MTSS1: variants seen among roughly 807,000 people sequenced by gnomAD.
The protein encoded by MTSS1 is protein MTSS 1.
In MTSS1, 18 loss-of-function variants were observed where a neutral mutation model predicts 79.0. The ratio of observed to expected loss-of-function variants is 0.23; its 90% confidence interval spans 0.16 to 0.34. MTSS1 has a LOEUF of 0.34. Ranked by LOEUF, MTSS1 falls within the 10% of genes least tolerant of loss-of-function variation. The pLI, the probability that MTSS1 is intolerant of heterozygous loss-of-function variation, is 1.00. For missense variants in MTSS1, 815 were observed against 986.2 expected (o/e 0.83, Z 2.33); for synonymous variants, 341 against 368.6 (o/e 0.93, Z 0.86).
intron 3 of MTSS1, among the ~76,000 whole-genome samples, chr8:124,592,338 C>A (rs1832010616): frequency 1.3e-5 from 2 of 152,192 alleles, no homozygotes; most frequent in Admixed American, 1.3e-4. Context: ...GCGCTGAACA[C>A]TGGAGGGCAC....
At chr8:124,605,639 G>GCCTCCCTCCC (rs1587204936) in intron 3 of MTSS1, among the ~76,000 whole-genome samples, 1 of 149,790 alleles carries the variant, frequency 6.7e-6, no homozygotes, top group Non-Finnish European at 1.5e-5. Context: ...CCCTCGCGCT[G>GCCTCCCTCCC]GGCTCCCGTT....
At chr8:124,657,543 T>G (rs2134297486) in intron 3 of MTSS1, among the ~76,000 whole-genome samples, 1 of 151,548 alleles carries the variant, frequency 6.6e-6, no homozygotes, top group Admixed American at 6.6e-5. Context: ...GAAGTTACTT[T>G]CCTCTGCACT....
At chr8:124,576,486 C>T (rs79887589) in intron 6 of MTSS1, among the ~76,000 whole-genome samples, 2,622 of 152,280 alleles carry the variant, frequency 0.017, 62 homozygotes, top group African/African-American at 0.058. Flanking sequence ...ATGCATTCTT[C>T]GTGCTGGGGA....
At position 124,553,940 on chromosome 8, in the gene MTSS1, T is replaced by C. The variant is rs1225913599; in HGVS notation, c.1568-248A>G. ...GCTGGACACGGTAGGCACTCAAATA[T>C]CGTCAATGGGGAAGAAGGTAAAGCT... is the stretch of plus-strand genomic sequence containing the variant. On this transcript the variant is annotated intron_variant, in intron 13 of 13. Coordinates refer to ENST00000518547, the MANE Select transcript of MTSS1 (RefSeq NM_014751.6). The surrounding 1 kb of genome is among the most constrained non-coding windows in gnomAD (Gnocchi z 6.0). 1.3e-5 allele frequency among the ~76,000 whole-genome samples: 2 copies of C among 152,120 alleles called. No homozygotes were observed. The highest frequency in any genetic ancestry group is 3.8e-4 in the East Asian group (2 of 5,198).
intron 3 of MTSS1, among the ~76,000 whole-genome samples, chr8:124,663,631 GCTC>G (rs768050098): frequency 4.6e-5 from 7 of 152,144 alleles, no homozygotes; most frequent in Non-Finnish European, 8.8e-5. Flanking sequence ...TGCATATGTG[GCTC>G]CTTATTCCTG....
intron 1 of MTSS1, among the ~76,000 whole-genome samples, chr8:124,717,973 C>G (rs1261944980): frequency 2.0e-5 from 3 of 152,190 alleles, no homozygotes; most frequent in Non-Finnish European, 4.4e-5. Context: ...CAACACCACA[C>G]AGCCATTAAC....
intron 3 of MTSS1, among the ~76,000 whole-genome samples, chr8:124,600,696 C>T (rs1275710976): frequency 6.6e-6 from 1 of 152,216 alleles, no homozygotes; most frequent in Non-Finnish European, 1.5e-5. Flanking sequence ...ACTCCTCCCA[C>T]ATCTAATATC....
At chr8:124,643,685 C>T (rs1398697581) in intron 3 of MTSS1, among the ~76,000 whole-genome samples, 15 of 106,884 alleles carry the variant, frequency 1.4e-4, no homozygotes, top group African/African-American at 4.0e-4. Context: ...GCAACAAGAG[C>T]GAAATTCCGT....
intron 7 of MTSS1, 161 bp downstream of exon 7, chr8:124,568,218 T>A (rs570873306): frequency 2.5e-6 from 2 of 794,742 alleles, no homozygotes; most frequent in Admixed American, 5.8e-5. Context: ...GTGAGCTACA[T>A]GGCCATCAAC....
chr8:124,552,666 C>T lies in MTSS1; in HGVS notation c.*326G>A. 1.1e-5 allele frequency: 3 copies of T among 282,288 alleles called. No individual in the cohort carries two copies. Among genetic ancestry groups the T allele is most frequent in the Non-Finnish European group, 2.0e-5 (3 of 150,996 alleles). The allele number at this position is 282,288 out of a possible 1,614,324, so 17.5% of individuals were successfully genotyped here. Reference sequence around the variant, plus strand: ...ATTAACTACTTCGTGGTTCCCCTGCCCCAACCCCCTTTATGCATTTAAAAT... The same window carrying T: ...ATTAACTACTTCGTGGTTCCCCTGCTCCAACCCCCTTTATGCATTTAAAAT... On this transcript the variant is annotated 3_prime_UTR_variant, in exon 14 of 14. Transcript: ENST00000518547.
intron 3 of MTSS1, among the ~76,000 whole-genome samples, chr8:124,608,893 A>T (rs1835296546): frequency 6.6e-6 from 1 of 152,220 alleles, no homozygotes; most frequent in African/African-American, 2.4e-5. Context: ...ATCTCAAAAG[A>T]GAGCTCAAGA....
At chr8:124,686,155 T>A (rs1826936159) in intron 3 of MTSS1, among the ~76,000 whole-genome samples, 2 of 152,154 alleles carry the variant, frequency 1.3e-5, no homozygotes, top group Admixed American at 6.5e-5. Flanking sequence ...TGTCCAGCTG[T>A]ACTGACCCAC....
In MTSS1 at chr8:124,683,739, G is replaced by A. The variant is rs766658487; in HGVS notation, c.208+15787C>T. ...ACCAATGGCTGAGCAGACACACTCA[G>A]GACCAAGACCCCATAATACAGCAGT... On this transcript the variant is annotated intron_variant, in intron 3 of 13. Transcript: ENST00000518547. The surrounding 1 kb of genome is among the most constrained non-coding windows in gnomAD (Gnocchi z 4.5). Among the ~76,000 whole-genome samples, 2 of 152,174 alleles carry A rather than the reference G, an allele frequency of 1.3e-5. No individual in the cohort carries two copies. Among genetic ancestry groups the A allele is most frequent in the African/African-American group, 2.4e-5 (1 of 41,426 alleles).
intron 3 of MTSS1, among the ~76,000 whole-genome samples, chr8:124,615,995 C>T (rs535984435): frequency 6.6e-6 from 1 of 152,198 alleles, no homozygotes; most frequent in Non-Finnish European, 1.5e-5. Context: ...CCTGCTTCCT[C>T]CTCAGCATCA....
In MTSS1 at chr8:124,552,985, T is replaced by C. The variant is rs780721088; in HGVS notation, c.*7A>G. 6.2e-7 allele frequency: 1 copy of C among 1,609,242 alleles called. No individual in the cohort carries two copies. Among genetic ancestry groups the C allele is most frequent in the South Asian group, 1.1e-5 (1 of 91,028 alleles). ...GTTCATTCCCCACCGGCGCATTTCTTGTGAACCTAAGAAAAGCGAGGGGCT... is the reference window on the plus strand; with the variant it reads ...GTTCATTCCCCACCGGCGCATTTCTCGTGAACCTAAGAAAAGCGAGGGGCT... On this transcript the variant is annotated 3_prime_UTR_variant, in exon 14 of 14. Transcript: ENST00000518547.
chr8:124,683,286 C>A lies in MTSS1; in HGVS notation c.208+16240G>T, dbSNP rs28500557. Among the ~76,000 whole-genome samples, 49,994 of 151,984 alleles carry A rather than the reference C, an allele frequency of 0.33. 8,635 individuals are homozygous for A. Among genetic ancestry groups the A allele is most frequent in the Middle Eastern group, 0.41 (121 of 294 alleles). ...TGAAATTTAAAAAATGGAAGAAAAACAATGACCCCAAAATCCTCATTCAAG... is the reference window on the plus strand; with the variant it reads ...TGAAATTTAAAAAATGGAAGAAAAAAAATGACCCCAAAATCCTCATTCAAG... On this transcript the variant is annotated intron_variant, in intron 3 of 13. Transcript: ENST00000518547. The surrounding 1 kb of genome is among the most constrained non-coding windows in gnomAD (Gnocchi z 4.5).
chr8:124,612,546 A>G (rs1836008160), intron 3 of MTSS1, among the ~76,000 whole-genome samples: 1 of 150,536 alleles, frequency 6.6e-6, no homozygotes, highest in African/African-American at 2.4e-5. Flanking sequence ...AAGCAGGAAA[A>G]ACTGAGATTT....
chr8:124,629,641 C>T (rs561683976), intron 3 of MTSS1, among the ~76,000 whole-genome samples: 4 of 152,176 alleles, frequency 2.6e-5, no homozygotes, highest in South Asian at 4.2e-4. Context: ...CGAGTTCCCA[C>T]ATCCCTGGTT....
chr8:124,692,596 G>A (rs1222575095), intron 3 of MTSS1, among the ~76,000 whole-genome samples: 2 of 152,154 alleles, frequency 1.3e-5, no homozygotes, highest in African/African-American at 4.8e-5. Context: ...TCTCCCCTCA[G>A]AGGAAAGATT....
Sources: gnomAD v4.1 joint callset for allele counts (sites outside exome capture counted in the v4.1 genomes callset) on GRCh38, gnomAD v4.1.1 for gene constraint, Gnocchi (gnomAD v3.1) non-coding constraint, MANE v1.5 for transcripts, NCBI Gene and HGNC (gene_info 2026-07-23, HGNC 2026-07-21) for gene names.